The following MCOLN3 variants were observed in gnomAD, a reference collection of about 807,000 sequenced individuals.
MCOLN3 encodes the protein mucolipin TRP cation channel 3.
In MCOLN3, 62 loss-of-function variants were observed where a neutral mutation model predicts 69.4. The observed-to-expected ratio is 0.89, with a 90% confidence interval of 0.73 to 1.10. The LOEUF is 1.10. Among genes scored for constraint, MCOLN3 ranks in the 50% least tolerant of loss-of-function variants. The pLI is 0.00. For missense variants in MCOLN3, 564 were observed against 656.4 expected (o/e 0.86, Z 1.54); for synonymous variants, 183 against 217.0 (o/e 0.84, Z 1.38).
Position 85,021,098 on chromosome 1 carries a change from A to C in MCOLN3, c.1499T>G (p.Leu500Arg), listed in dbSNP as rs1172318936. 5 of 1,610,382 alleles carry C rather than the reference A, an allele frequency of 3.1e-6. No homozygotes were observed. In the East Asian group the frequency reaches 1.1e-4, roughly 36 times the overall value. The change falls in exon 12 of 13, where the codon CTG (leucine) becomes CGG (arginine). Residue 500 changes from leucine to arginine, a missense_variant. By Grantham distance (102) the Leu-to-Arg change is moderately radical. Coordinates refer to ENST00000370589, the MANE Select transcript of MCOLN3 (RefSeq NM_018298.11). ...IYMILSLFIA[L>R]ITDTYETIKQ... ...AATTGTTTCGTATGTATCAGTGATCAGTGCAATGAAAAGACTTAAAATCAT... is the reference window on the plus strand; with the variant it reads ...AATTGTTTCGTATGTATCAGTGATCCGTGCAATGAAAAGACTTAAAATCAT...
chr1:85,043,178 C>G (rs1653156324), intron 2 of MCOLN3, among the ~76,000 whole-genome samples: 1 of 152,142 alleles, frequency 6.6e-6, no homozygotes, highest in Admixed American at 6.5e-5. Context: ...TACCAAGACC[C>G]TCATTGTTCT....
At chr1:85,023,992 C>T (rs992454600) in intron 9 of MCOLN3, among the ~76,000 whole-genome samples, 2 of 152,114 alleles carry the variant, frequency 1.3e-5, no homozygotes, top group African/African-American at 4.8e-5. Context: ...GAAAAGAACA[C>T]TTTCCTTGGA....
chr1:85,022,071 T>C lies in MCOLN3; in HGVS notation c.1319A>G (p.Lys440Arg), dbSNP rs758930307. 8 of 1,613,550 alleles carry C rather than the reference T, an allele frequency of 5.0e-6. No homozygotes were observed. The highest frequency in any genetic ancestry group is 5.1e-6 in the Non-Finnish European group (6 of 1,179,786). ...AGGAAAAAAGTTGTTTATCAGTACC[T>C]TGTCATGGTAAGGCCCCAGCACGAT... Reference protein sequence around the residue: ...GWIVLGPYHDKFRSLNMVSEC... With the variant: ...GWIVLGPYHDRFRSLNMVSEC... The change falls in exon 11 of 13, where the codon AAG becomes AGG. Residue 440 changes from lysine (K) to arginine (R), a missense_variant and splice_region_variant. Physicochemically the swap from Lys to Arg is conservative, Grantham distance 26. Coordinates refer to ENST00000370589, the MANE Select transcript of MCOLN3 (RefSeq NM_018298.11).
rs111585611 is a variant in MCOLN3, at chr1:85,026,103, G to A, written c.946-15C>T. ...TTGACAAACTCCTTTAGGGAAAAGAGGGGAGGCACAGTGAATGTCTCTGTC... is the reference window on the plus strand; with the variant it reads ...TTGACAAACTCCTTTAGGGAAAAGAAGGGAGGCACAGTGAATGTCTCTGTC... On this transcript the variant is annotated splice_polypyrimidine_tract_variant and intron_variant, in intron 8 of 12. Coordinates refer to ENST00000370589, the MANE Select transcript of MCOLN3 (RefSeq NM_018298.11). 1,047 of 1,610,896 alleles carry A rather than the reference G, an allele frequency of 6.5e-4. 1 individual carries two copies. The highest frequency in any genetic ancestry group is 7.5e-4 in the Non-Finnish European group (878 of 1,178,162).
At chr1:85,021,995 T>C (rs781487760) in intron 11 of MCOLN3, 75 bp downstream of exon 11, 32 of 1,526,364 alleles carry the variant, frequency 2.1e-5, no homozygotes, top group Non-Finnish European at 2.7e-5. Flanking sequence ...AAGGAGTTCA[T>C]TGAAAAAGGA....
chr1:85,020,955 A>T, intron 12 of MCOLN3, 115 bp downstream of exon 12: 1 of 738,546 alleles, frequency 1.4e-6, no homozygotes, highest in African/African-American at 1.8e-5. Context: ...CTTTTTCTCT[A>T]TCCTGAAGAA....
At chr1:85,033,102 A>C in intron 4 of MCOLN3, 146 bp from the exon 5 acceptor site, 1 of 748,524 alleles carries the variant, frequency 1.3e-6, no homozygotes, top group Non-Finnish European at 2.2e-6. Flanking sequence ...AAGCTAAATA[A>C]ACATTGATAC....
chr1:85,045,168 T>C lies in MCOLN3; in HGVS notation c.193A>G (p.Ile65Val), dbSNP rs532212376. 1.9e-5 allele frequency: 31 copies of C among 1,614,032 alleles called. No individual in the cohort carries two copies. In the South Asian group the frequency reaches 2.2e-4, roughly 11 times the overall value. ...ARGRKPWKLA[I>V]QILKIAMVTI... ...ACCATTGCAATTTTTAGAATTTGTA[T>C]GGCAAGTTTCCATGGTTTTCTACCT... Residue 65 changes from isoleucine (I) to valine (V), a missense_variant, in exon 2 of 13, where the codon ATA (isoleucine) becomes GTA (valine). By Grantham distance (29) the Ile-to-Val change is conservative. Transcript: ENST00000370589.
chr1:85,021,613 C>A (rs1571085183), intron 11 of MCOLN3, among the ~76,000 whole-genome samples: 1 of 152,210 alleles, frequency 6.6e-6, no homozygotes, highest in East Asian at 1.9e-4. Context: ...CAGGTCCCAA[C>A]CATGCATGCT....
chr1:85,027,651 G>A (rs1017381624), intron 7 of MCOLN3, among the ~76,000 whole-genome samples: 1 of 152,216 alleles, frequency 6.6e-6, no homozygotes, highest in Non-Finnish European at 1.5e-5. Flanking sequence ...TGCTCTATAT[G>A]AGGGAGGTTA....
chr1:85,040,518 G>A (rs1441573181), intron 3 of MCOLN3, among the ~76,000 whole-genome samples: 3 of 152,090 alleles, frequency 2.0e-5, no homozygotes, highest in Non-Finnish European at 2.9e-5. Context: ...AAACAAGCTT[G>A]TTTTTTGTTT....
In MCOLN3 at chr1:85,032,024, C is replaced by T. The variant is rs187117428; in HGVS notation, c.732+672G>A. 2.5e-3 allele frequency among the ~76,000 whole-genome samples: 381 copies of T among 151,838 alleles called. 2 individuals carry two copies. Among genetic ancestry groups the T allele is most frequent in the African/African-American group, 8.6e-3 (357 of 41,384 alleles). ...CCGGGAGGCGGAGCTTGCAGTGAGC[C>T]GAGATCGCGCCACTGCACTCCAGCC... On this transcript the variant is annotated intron_variant, in intron 6 of 12. Coordinates refer to ENST00000370589, the MANE Select transcript of MCOLN3 (RefSeq NM_018298.11).
chr1:85,022,116 C>T lies in MCOLN3; in HGVS notation c.1274G>A (p.Gly425Asp). Residue 425 changes from glycine to aspartate, a missense_variant, in exon 11 of 13, where the codon GGT (glycine) becomes GAT (aspartate). By Grantham distance (94) the Gly-to-Asp change is moderately conservative. Coordinates refer to ENST00000370589, the MANE Select transcript of MCOLN3 (RefSeq NM_018298.11). ...FCCCAAMIYL[G>D]YCFCGWIVLG... is the part of the protein sequence containing the mutation. ...CACGATCCATCCACAGAAGCAGTAA[C>T]CTAAGTAAATCATAGCTGCACAGCA... 1 of 1,614,144 alleles carries T rather than the reference C, an allele frequency of 6.2e-7. No individual in the cohort carries two copies. Among genetic ancestry groups the T allele is most frequent in the Non-Finnish European group, 8.5e-7 (1 of 1,179,996 alleles).
Position 85,019,086 on chromosome 1 carries a change from A to G in MCOLN3, c.*37T>C. On this transcript the variant is annotated 3_prime_UTR_variant, in exon 13 of 13. Transcript: ENST00000370589. ...CCACAGTGTTCCAACTCAGCTACAC[A>G]TTATATTTTCCTCTAAAGTACAGAT... 2 of 1,596,398 alleles carry G rather than the reference A, an allele frequency of 1.3e-6. No individual in the cohort carries two copies. The highest frequency in any genetic ancestry group is 1.7e-6 in the Non-Finnish European group (2 of 1,167,042).
At chr1:85,039,950 C>CAA (rs4001173) in intron 3 of MCOLN3, among the ~76,000 whole-genome samples, 5,717 of 145,380 alleles carry the variant, frequency 0.039, 194 homozygotes, top group East Asian at 0.19. Context: ...GATCCTGTCT[C>CAA]AAAAAAAAAA....
intron 7 of MCOLN3, 92 bp downstream of exon 7, chr1:85,029,014 T>C: frequency 1.3e-6 from 1 of 787,992 alleles, no homozygotes; most frequent in Non-Finnish European, 2.1e-6. Context: ...AATCTTCTAT[T>C]TGTTGTTCTA....
chr1:85,041,870 C>CAAAAAAAAAA, intron 2 of MCOLN3, among the ~76,000 whole-genome samples: 1 of 69,688 alleles, frequency 1.4e-5, no homozygotes, highest in African/African-American at 6.2e-5. Flanking sequence ...AACTACGTCT[C>CAAAAAAAAAA]AAAAAAAAAA....
At chr1:85,042,159 C>T (rs550913510) in intron 2 of MCOLN3, among the ~76,000 whole-genome samples, 99 of 152,286 alleles carry the variant, frequency 6.5e-4, no homozygotes, top group African/African-American at 2.0e-3. Context: ...ACTAATCCTG[C>T]GGTGTATTCC....
At position 85,019,227 on chromosome 1, in the gene MCOLN3, C is replaced by T. The variant is rs1651805896; in HGVS notation, c.1558G>A (p.Glu520Lys). 2 of 1,613,610 alleles carry T rather than the reference C, an allele frequency of 1.2e-6. No homozygotes were observed. The highest frequency in any genetic ancestry group is 1.3e-5 in the African/African-American group (1 of 74,906). The change falls in exon 13 of 13, where the codon GAA (glutamate) becomes AAA (lysine). Residue 520 changes from glutamate to lysine, a missense_variant. By Grantham distance (56) the Glu-to-Lys change is moderately conservative. Transcript: ENST00000370589. ...CATTCTGATATAAATGTACGAAGTT[C>T]AGTCTCTGGGAAGCCATCTTGTTGG... ...QYQQDGFPET[E>K]LRTFISECKD... is the part of the protein sequence containing the mutation.
Sources: gnomAD v4.1 joint callset for allele counts (sites outside exome capture counted in the v4.1 genomes callset) on GRCh38, gnomAD v4.1.1 for gene constraint, MANE v1.5 for transcripts, NCBI Gene and HGNC (gene_info 2026-07-23, HGNC 2026-07-21) for gene names.